Variants in ZC3H13 observed in about 807,000 individuals in gnomAD.
ZC3H13 encodes zinc finger CCCH domain-containing protein 13.
Under a neutral mutation model 204.1 loss-of-function variants are expected in ZC3H13, and 64 were observed. That is an observed-to-expected ratio of 0.31 (90% CI 0.26 to 0.39). The LOEUF (loss-of-function observed/expected upper bound fraction) is 0.39. Ranked by LOEUF, ZC3H13 falls within the 10% of genes least tolerant of loss-of-function variation. The probability of loss-of-function intolerance (pLI) is 1.00; values close to 1 mark genes in which losing one functional copy is unlikely to be tolerated. For synonymous variants in ZC3H13, 667 were observed against 693.7 expected, an observed-to-expected ratio of 0.96 and a Z score of 0.60; for missense variants, 1,833 against 2,082.7, an observed-to-expected ratio of 0.88 and a Z score of 2.33.
intron 18 of ZC3H13, among the ~76,000 whole-genome samples, chr13:45,958,804 G>A (rs533409222): frequency 6.6e-6 from 1 of 151,778 alleles, no homozygotes; most frequent in Non-Finnish European, 1.5e-5. Context: ...ACAGATGCCC[G>A]CCACCATGCC....
intron 11 of ZC3H13, 125 bp downstream of exon 11, chr13:45,979,688 A>C: frequency 1.0e-6 from 1 of 957,056 alleles, no homozygotes; most frequent in Non-Finnish European, 1.5e-6. Context: ...TAATAGTTTC[A>C]AATGTGTCAT....
intron 9 of ZC3H13, among the ~76,000 whole-genome samples, chr13:45,988,094 T>G (rs146609912): frequency 2.5e-3 from 376 of 152,308 alleles, no homozygotes; most frequent in African/African-American, 8.8e-3. Flanking sequence ...ACACTTCTGA[T>G]GCTTTCAAAC....
chr13:45,988,582 C>A (rs2039727995), intron 9 of ZC3H13, among the ~76,000 whole-genome samples: 1 of 152,140 alleles, frequency 6.6e-6, no homozygotes, highest in African/African-American at 2.4e-5. Flanking sequence ...AAGAAAGCAC[C>A]AGCTTAGTAT....
At chr13:46,029,815 C>T (rs2042779966) in intron 4 of ZC3H13, among the ~76,000 whole-genome samples, 2 of 152,030 alleles carry the variant, frequency 1.3e-5, no homozygotes. Flanking sequence ...AAACTAAAGA[C>T]CAATATCTCT....
Position 45,968,770 on chromosome 13 carries a change from T to C in ZC3H13, c.3774A>G (p.Glu1258=). The change falls in exon 14 of 19, where the codon GAA becomes GAG. Residue 1258 remains glutamate (E), a synonymous_variant. Transcript: ENST00000679008. ...TACCTGAAGAAGTACTTCGACTGGG[T>C]TCTCCACGCTTTAACTGATCAATCC... ...KSRIDQLKRG[E]PSRSTSSDRQ... 1 of 1,599,514 alleles carries C rather than the reference T, an allele frequency of 6.3e-7. No individual in the cohort carries two copies.
intron 17 of ZC3H13, among the ~76,000 whole-genome samples, chr13:45,960,657 AG>A (rs1266274131): frequency 6.6e-6 from 1 of 152,248 alleles, no homozygotes; most frequent in Non-Finnish European, 1.5e-5. Context: ...ATAGACACAA[AG>A]GAAGTCAAAA....
At chr13:46,007,516 T>C (rs1230895585) in intron 7 of ZC3H13, among the ~76,000 whole-genome samples, 1 of 152,228 alleles carries the variant, frequency 6.6e-6, no homozygotes, top group Middle Eastern at 3.2e-3. Context: ...AATAACCTTC[T>C]GTTGTGTTAA....
At chr13:46,007,038 G>C (rs560164072) in intron 7 of ZC3H13, among the ~76,000 whole-genome samples, 1 of 151,710 alleles carries the variant, frequency 6.6e-6, no homozygotes, top group African/African-American at 2.4e-5. Context: ...AGATAAAAAC[G>C]GATCAATAAT....
At chr13:46,001,970 A>G (rs113111361) in intron 8 of ZC3H13, among the ~76,000 whole-genome samples, 1 of 151,848 alleles carries the variant, frequency 6.6e-6, no homozygotes, top group Admixed American at 6.6e-5. Flanking sequence ...AAAGCAACAT[A>G]TGGAATAGGA....
intron 6 of ZC3H13, 86 bp from the exon 7 acceptor site, chr13:46,010,591 T>A: frequency 7.1e-7 from 1 of 1,399,762 alleles, no homozygotes; most frequent in Admixed American, 2.1e-5. Flanking sequence ...CACACCAAAC[T>A]TCAGATTAAA....
chr13:46,048,442 G>A lies in ZC3H13; in HGVS notation c.-9-2926C>T, dbSNP rs1215007732. Reference sequence around the variant, plus strand: ...AATACAAAAACAAAATTAGCCGGGCGTGGTGGCAGGCGCCTGTAGTCCCAG... The same window carrying A: ...AATACAAAAACAAAATTAGCCGGGCATGGTGGCAGGCGCCTGTAGTCCCAG... On this transcript the variant is annotated intron_variant, in intron 1 of 18. Transcript: ENST00000679008. 2.6e-5 allele frequency among the ~76,000 whole-genome samples: 4 copies of A among 152,122 alleles called. 1 individual carries two copies. Among genetic ancestry groups the A allele is most frequent in the South Asian group, 4.2e-4 (2 of 4,808 alleles).
In ZC3H13 at chr13:45,967,737, A is replaced by C; in HGVS notation, c.4088T>G (p.Ile1363Ser). Reference protein sequence around the residue: ...RDLDRERERLISDSVERDRDR... With the variant: ...RDLDRERERLSSDSVERDRDR... ...CCTGTCCCTTTCAACAGAATCAGAA[A>C]TTAGTCTCTCTCTTTCCCTATCCAA... The change falls in exon 15 of 19, where the codon ATT becomes AGT. Residue 1363 changes from isoleucine to serine, a missense_variant. Physicochemically the swap from Ile to Ser is moderately radical, Grantham distance 142. Coordinates refer to ENST00000679008, the MANE Select transcript of ZC3H13 (RefSeq NM_001330564.2). 6.2e-7 allele frequency: 1 copy of C among 1,613,442 alleles called. No homozygotes were observed.
At chr13:45,988,665 A>G (rs906822206) in intron 9 of ZC3H13, 122 bp downstream of exon 9, 1 of 1,129,560 alleles carries the variant, frequency 8.9e-7, no homozygotes, top group Non-Finnish European at 1.2e-6. Flanking sequence ...TATTGCCCTC[A>G]AAAATTCTAG....
intron 16 of ZC3H13, among the ~76,000 whole-genome samples, chr13:45,964,426 C>G (rs528630850): frequency 3.9e-5 from 6 of 152,150 alleles, no homozygotes; most frequent in Non-Finnish European, 1.5e-5. Flanking sequence ...TGCACACATA[C>G]ATTTTAATTT....
chr13:45,993,089 T>G (rs2040080991), intron 8 of ZC3H13, among the ~76,000 whole-genome samples: 1 of 152,104 alleles, frequency 6.6e-6, no homozygotes, highest in South Asian at 2.1e-4. Context: ...TGGAAACCAG[T>G]CTATCTAGTA....
In ZC3H13 at chr13:45,988,961, G is replaced by A. The variant is rs771272021; in HGVS notation, c.1081C>T (p.Arg361Trp). Residue 361 changes from arginine (R) to tryptophan (W), a missense_variant, in exon 9 of 19, where the codon CGG becomes TGG. Arg to Trp is a moderately radical substitution (Grantham distance 101). This residue lies in a region of ZC3H13 where 1,574 missense variants were observed against 1,757.2 expected (regional missense o/e 0.90). Transcript: ENST00000679008. ...CGTCGTAAAGGTGGAGTTAGTGTCC[G>A]CTGATAAGATGGTGAAGGAGTTCTT... is the stretch of plus-strand genomic sequence containing the variant. ...RKRTPSPSYQ[R>W]TLTPPLRRSA... 5 of 1,613,822 alleles carry A rather than the reference G, an allele frequency of 3.1e-6. No individual in the cohort carries two copies. Among genetic ancestry groups the A allele is most frequent in the Admixed American group, 1.7e-5 (1 of 59,984 alleles).
Position 45,969,554 on chromosome 13 carries a change from C to T in ZC3H13, c.2990G>A (p.Gly997Glu), listed in dbSNP as rs1198550033. Residue 997 changes from glycine to glutamate, a missense_variant, in exon 14 of 19, where the codon GGA (glycine) becomes GAA (glutamate). Transcript: ENST00000679008. ...EDGQVFSPKK[G>E]QKKKSIEKKR... The stretch of plus-strand genomic sequence containing the variant: ...TTTTTCAATGCTTTTCTTTTTCTGT[C>T]CTTTTTTTGGTGAAAATACTTGACC... 6.2e-7 allele frequency: 1 copy of T among 1,608,644 alleles called. No individual in the cohort carries two copies. The highest frequency in any genetic ancestry group is 8.5e-7 in the Non-Finnish European group (1 of 1,178,720).
At chr13:46,018,497 A>T (rs2042044916) in intron 5 of ZC3H13, among the ~76,000 whole-genome samples, 1 of 152,122 alleles carries the variant, frequency 6.6e-6, no homozygotes, top group African/African-American at 2.4e-5. Context: ...TCAGATCTAC[A>T]ATACAAGGGA....
chr13:46,045,033 T>A lies in ZC3H13; in HGVS notation c.149A>T (p.Asn50Ile). 2.5e-6 allele frequency: 4 copies of A among 1,613,658 alleles called. No homozygotes were observed. Among genetic ancestry groups the A allele is most frequent in the Non-Finnish European group, 3.4e-6 (4 of 1,179,728 alleles). ...TCTACATGTGTTTCCATAGAGGCAG[T>A]TGCCAGTCTTCAGCCAGTTACGGCA... The part of the protein sequence containing the change: ...TQCRNWLKTG[N>I]CLYGNTCRFV... Residue 50 changes from asparagine (N) to isoleucine (I), a missense_variant, in exon 3 of 19, where the codon AAC (asparagine) becomes ATC (isoleucine). Transcript: ENST00000679008.
Sources: allele counts gnomAD v4.1 joint callset (sites outside exome capture counted in the v4.1 genomes callset), GRCh38; gene constraint gnomAD v4.1.1; regional missense constraint gnomAD v4.1.1; transcripts MANE v1.5; gene names NCBI Gene and HGNC (gene_info 2026-07-23, HGNC 2026-07-21).